ATXN1: variants seen among roughly 807,000 people sequenced by gnomAD.
ATXN1 encodes the protein ataxin 1.
In ATXN1, 8 loss-of-function variants were observed where a neutral mutation model predicts 56.4. The observed-to-expected ratio is 0.14, with a 90% confidence interval of 0.08 to 0.26. The LOEUF (loss-of-function observed/expected upper bound fraction) is 0.26, where lower values mean the gene tolerates loss of function less well. Among genes scored for constraint, ATXN1 ranks in the 10% least tolerant of loss-of-function variants. ATXN1 has a pLI of 1.00. For synonymous variants in ATXN1, 514 were observed against 494.6 expected (o/e 1.04, Z -0.52); for missense variants, 987 against 1,106.5 (o/e 0.89, Z 1.53).
At chr6:16,395,281 A>C (rs541404870) in intron 6 of ATXN1, among the ~76,000 whole-genome samples, 1 of 151,370 alleles carries the variant, frequency 6.6e-6, no homozygotes, top group South Asian at 2.1e-4. Context: ...AAAAAAAAAA[A>C]AAAAAAAAAA....
At position 16,588,183 on chromosome 6, in the gene ATXN1, C is replaced by T. The variant is rs908463279; in HGVS notation, c.-488-2276G>A. The stretch of plus-strand genomic sequence containing the variant: ...CTCCTCAACTCCCTCCGCTCCTCTC[C>T]GGCACCACCCTGGCTCATCTGGACT... On this transcript the variant is annotated intron_variant, in intron 3 of 7. Transcript: ENST00000436367. Among the ~76,000 whole-genome samples the T allele has an allele frequency of 4.6e-5, 7 of 152,224 alleles. No individual in the cohort carries two copies. The South Asian group carries it at 6.2e-4, about 14-fold the overall frequency.
intron 4 of ATXN1, among the ~76,000 whole-genome samples, chr6:16,523,595 G>A (rs1041877187): frequency 1.3e-5 from 2 of 152,164 alleles, no homozygotes; most frequent in Non-Finnish European, 2.9e-5. Flanking sequence ...AATAACCAAA[G>A]TACCCCATTC....
chr6:16,341,222 C>T (rs1275252049), intron 6 of ATXN1, among the ~76,000 whole-genome samples: 30 of 152,232 alleles, frequency 2.0e-4, no homozygotes, highest in Admixed American at 2.0e-3. Context: ...ACTGGTTTCA[C>T]TGTGTTTGTG....
chr6:16,365,552 C>T (rs1364793377), intron 6 of ATXN1, among the ~76,000 whole-genome samples: 1 of 152,150 alleles, frequency 6.6e-6, no homozygotes, highest in East Asian at 1.9e-4. Flanking sequence ...CATTTGGGGG[C>T]TTAACACCCC....
At chr6:16,399,944 G>A (rs1336882971) in intron 6 of ATXN1, among the ~76,000 whole-genome samples, 1 of 152,162 alleles carries the variant, frequency 6.6e-6, no homozygotes, top group African/African-American at 2.4e-5. Flanking sequence ...ATCCTCTGAA[G>A]ATGCTTGTTT....
At chr6:16,559,168 A>G (rs1054420468) in intron 4 of ATXN1, among the ~76,000 whole-genome samples, 4 of 152,218 alleles carry the variant, frequency 2.6e-5, no homozygotes, top group Admixed American at 2.6e-4. Flanking sequence ...AAACAGTGCT[A>G]GCAGGAACAT....
chr6:16,693,025 T>G (rs1759082513), intron 2 of ATXN1, among the ~76,000 whole-genome samples: 1 of 152,126 alleles, frequency 6.6e-6, no homozygotes, highest in Non-Finnish European at 1.5e-5. Flanking sequence ...AAGTTCAGAT[T>G]TCAGCTCCGC....
intron 4 of ATXN1, among the ~76,000 whole-genome samples, chr6:16,534,126 C>T (rs1042255355): frequency 6.6e-6 from 1 of 152,066 alleles, no homozygotes; most frequent in South Asian, 2.1e-4. Context: ...TTTCCCCATG[C>T]TGCCAAAATA....
At chr6:16,533,218 TA>T in intron 4 of ATXN1, among the ~76,000 whole-genome samples, 1 of 152,218 alleles carries the variant, frequency 6.6e-6, no homozygotes, top group Admixed American at 6.5e-5. Flanking sequence ...TTTATCACAA[TA>T]AAAAGAAGAA....
intron 6 of ATXN1, among the ~76,000 whole-genome samples, chr6:16,438,979 A>G (rs1306888614): frequency 2.0e-5 from 3 of 152,160 alleles, no homozygotes; most frequent in South Asian, 4.1e-4. Flanking sequence ...AGAGTCATTA[A>G]TAGAATTTAA....
intron 3 of ATXN1, among the ~76,000 whole-genome samples, chr6:16,592,059 C>T (rs1374618204): frequency 3.3e-5 from 5 of 152,060 alleles, no homozygotes; most frequent in Non-Finnish European, 5.9e-5. Context: ...CTATTGATTC[C>T]ATGCACTCAT....
In ATXN1 at chr6:16,301,259, CA is replaced by C. The variant is rs1343337312; in HGVS notation, c.*5069del. The stretch of plus-strand genomic sequence containing the variant: ...TTTTGTTTTCTTCAGCTTCTCAAAT[CA>C]GGTGTACATTTAAAAAAAAATTCCC... On this transcript the variant is annotated 3_prime_UTR_variant, in exon 8 of 8. Transcript: ENST00000436367. The C allele has an allele frequency of 6.6e-6, 1 of 152,486 alleles. No homozygotes were observed. The highest frequency in any genetic ancestry group is 2.4e-5 in the African/African-American group (1 of 41,362). 9.4% of individuals were successfully genotyped at this position (152,486 alleles called of 1,614,324 possible).
At chr6:16,346,883 G>T (rs1359795461) in intron 6 of ATXN1, among the ~76,000 whole-genome samples, 1 of 152,236 alleles carries the variant, frequency 6.6e-6, no homozygotes, top group Non-Finnish European at 1.5e-5. Flanking sequence ...GGTGTGGAAG[G>T]AGAGGCGTGG....
intron 6 of ATXN1, among the ~76,000 whole-genome samples, chr6:16,466,186 G>A (rs1309497933): frequency 6.6e-6 from 1 of 151,758 alleles, no homozygotes; most frequent in African/African-American, 2.4e-5. Flanking sequence ...GCAGTGGCAG[G>A]TGCCTGTAAT....
rs1354007963 is a variant in ATXN1, at chr6:16,368,343, C to CTTCTTTTTTTT, written c.-160-39874_-160-39873insAAAAAAAAGAA. ...TATTTCTTTGGCTTGACTTCTTCTT[C>CTTCTTTTTTTT]TTTTTTTTTTTTTTTTTTTTTTTTG... On this transcript the variant is annotated intron_variant, in intron 6 of 7. Transcript: ENST00000436367. Among the ~76,000 whole-genome samples, 15 of 75,904 alleles carry CTTCTTTTTTTT rather than the reference C, an allele frequency of 2.0e-4. 1 individual carries two copies. The highest frequency in any genetic ancestry group is 5.0e-4 in the African/African-American group (13 of 25,948). 49.8% of individuals were successfully genotyped at this position (75,904 alleles called of 152,430 possible). A position where few individuals can be genotyped will look rare whatever the true frequency, so the allele number is the denominator to read the frequency against.
chr6:16,514,225 C>T (rs1392593194), intron 5 of ATXN1, among the ~76,000 whole-genome samples: 16 of 152,146 alleles, frequency 1.1e-4, no homozygotes, highest in Admixed American at 1.0e-3. Flanking sequence ...AAAACTGACT[C>T]CCTCTTGTTG....
At chr6:16,559,684 G>A (rs1762079561) in intron 4 of ATXN1, among the ~76,000 whole-genome samples, 1 of 152,064 alleles carries the variant, frequency 6.6e-6, no homozygotes, top group African/African-American at 2.4e-5. Flanking sequence ...TAAGAGAGAT[G>A]CTTATTTTTC....
chr6:16,557,421 T>C (rs894135738), intron 4 of ATXN1, among the ~76,000 whole-genome samples: 1 of 151,864 alleles, frequency 6.6e-6, no homozygotes, highest in Non-Finnish European at 1.5e-5. Context: ...CAAAGGTCTA[T>C]CTTCTTCTTG....
At chr6:16,411,635 A>G (rs1428648782) in intron 6 of ATXN1, among the ~76,000 whole-genome samples, 1 of 152,170 alleles carries the variant, frequency 6.6e-6, no homozygotes, top group East Asian at 1.9e-4. Context: ...ACAAGGGCAA[A>G]GATGAGGATC....
Sources: allele counts gnomAD v4.1 joint callset (sites outside exome capture counted in the v4.1 genomes callset), GRCh38; gene constraint gnomAD v4.1.1; transcripts MANE v1.5; gene names NCBI Gene and HGNC (gene_info 2026-07-23, HGNC 2026-07-21).